The following LRBA variants were observed in gnomAD, a reference collection of about 807,000 sequenced individuals.
The protein encoded by LRBA is lipopolysaccharide-responsive and beige-like anchor protein.
LRBA carries 176 observed loss-of-function variants against 330.0 expected under a neutral mutation model. The observed-to-expected ratio is 0.53, with a 90% CI of 0.47 to 0.60. LRBA has a LOEUF of 0.60. Among genes scored for constraint, LRBA ranks in the 20% least tolerant of loss-of-function variants. LRBA has a pLI of 0.00. For synonymous variants in LRBA, 1,230 were observed against 1,193.0 expected, an observed-to-expected ratio of 1.03 and a Z score of -0.64; for missense variants, 3,259 against 3,444.8, an observed-to-expected ratio of 0.95 and a Z score of 1.35.
At chr4:150,681,276 T>C (rs1783035081) in intron 37 of LRBA, among the ~76,000 whole-genome samples, 1 of 152,310 alleles carries the variant, frequency 6.6e-6, no homozygotes, top group South Asian at 2.1e-4. Context: ...ATTACAACCA[T>C]GTCCATAATT....
chr4:150,347,438 G>T (rs745442258), intron 48 of LRBA, among the ~76,000 whole-genome samples: 3 of 152,114 alleles, frequency 2.0e-5, no homozygotes, highest in Non-Finnish European at 4.4e-5. Context: ...TTGAGTTCAG[G>T]AGTTTGAGAC....
At chr4:150,635,853 A>G (rs775443328) in intron 37 of LRBA, among the ~76,000 whole-genome samples, 21 of 152,316 alleles carry the variant, frequency 1.4e-4, no homozygotes, top group Middle Eastern at 3.4e-3. Context: ...TTGAGTTATT[A>G]TGTCTCTTTA....
At chr4:150,372,762 T>TTTTTTTTTTTTTTTTGAG (rs1554011252) in intron 47 of LRBA, among the ~76,000 whole-genome samples, 1 of 144,198 alleles carries the variant, frequency 6.9e-6, no homozygotes. Flanking sequence ...AGTAAGTTCT[T>TTTTTTTTTTTTTTTTGAG]ACTAGATATT....
intron 34 of LRBA, among the ~76,000 whole-genome samples, chr4:150,789,229 T>C (rs1252268617): frequency 6.6e-6 from 1 of 152,146 alleles, no homozygotes; most frequent in Non-Finnish European, 1.5e-5. Flanking sequence ...CTCAAACAGC[T>C]GAGGAATTCA....
chr4:150,619,020 T>C (rs1249726851), intron 37 of LRBA, among the ~76,000 whole-genome samples: 1 of 151,924 alleles, frequency 6.6e-6, no homozygotes, highest in African/African-American at 2.4e-5. Flanking sequence ...GAGAAATAAA[T>C]GCAGCCATAC....
intron 55 of LRBA, among the ~76,000 whole-genome samples, chr4:150,278,633 C>T (rs1255843718): frequency 1.3e-5 from 2 of 152,178 alleles, no homozygotes; most frequent in Non-Finnish European, 2.9e-5. Context: ...TTCCTACTAG[C>T]GCTGAACAGA....
intron 31 of LRBA, among the ~76,000 whole-genome samples, chr4:150,815,252 C>A (rs970916206): frequency 6.0e-5 from 9 of 150,890 alleles, no homozygotes; most frequent in Non-Finnish European, 3.0e-5. Flanking sequence ...AGAAAAACCA[C>A]AGTTGATTCT....
intron 46 of LRBA, among the ~76,000 whole-genome samples, chr4:150,416,047 A>C (rs1747689158): frequency 6.6e-6 from 1 of 152,158 alleles, no homozygotes; most frequent in Non-Finnish European, 1.5e-5. Context: ...AATTTATTAC[A>C]GTTTAGCCAT....
chr4:150,367,935 C>T (rs1200797044), intron 47 of LRBA, among the ~76,000 whole-genome samples: 1 of 152,120 alleles, frequency 6.6e-6, no homozygotes, highest in Non-Finnish European at 1.5e-5. Flanking sequence ...TAAACTCTAT[C>T]TCTGGATATT....
At chr4:150,590,424 A>G (rs1225483946) in intron 39 of LRBA, among the ~76,000 whole-genome samples, 1 of 151,228 alleles carries the variant, frequency 6.6e-6, no homozygotes, top group Non-Finnish European at 1.5e-5. Flanking sequence ...AGATTTGGTA[A>G]CTCCTATGGG....
chr4:150,922,417 T>TATATATATATATATATATATA (rs1561010323), intron 4 of LRBA, among the ~76,000 whole-genome samples: 3 of 147,886 alleles, frequency 2.0e-5, no homozygotes, highest in African/African-American at 7.4e-5. Context: ...TATATATATA[T>TATATATATATATATATATATA]GATGGAATAC....
At chr4:150,640,878 C>T (rs1452572012) in intron 37 of LRBA, among the ~76,000 whole-genome samples, 1 of 152,142 alleles carries the variant, frequency 6.6e-6, no homozygotes, top group African/African-American at 2.4e-5. Context: ...AATTCTCCAC[C>T]ATGGCATTTA....
At chr4:150,387,444 T>G (rs1473187079) in intron 47 of LRBA, among the ~76,000 whole-genome samples, 1 of 152,190 alleles carries the variant, frequency 6.6e-6, no homozygotes, top group East Asian at 1.9e-4. Context: ...ATGACTAGGC[T>G]TGATATATTT....
At chr4:150,657,737 A>AT (rs1045907215) in intron 37 of LRBA, among the ~76,000 whole-genome samples, 4 of 152,086 alleles carry the variant, frequency 2.6e-5, no homozygotes, top group African/African-American at 9.7e-5. Flanking sequence ...AAAAACTGAG[A>AT]TTTTTTAACT....
In LRBA at chr4:150,467,773, T is replaced by C. The variant is rs770094640; in HGVS notation, c.6680A>G (p.Asn2227Ser). Reference sequence around the variant, plus strand: ...AAACACTGGATACTGATTTAAGTCATTATAACTCCGTCCTGATAGGGAAAA... The same window carrying C: ...AAACACTGGATACTGATTTAAGTCACTATAACTCCGTCCTGATAGGGAAAA... ...FLNTIAGRSYNDLNQYPVFPW... is the reference protein window; with the variant it reads ...FLNTIAGRSYSDLNQYPVFPW... Residue 2227 changes from asparagine (N) to serine (S), a missense_variant, in exon 44 of 57, where the codon AAT becomes AGT. Physicochemically the swap from Asn to Ser is conservative, Grantham distance 46. Transcript: ENST00000651943. 1.3e-6 allele frequency: 2 copies of C among 1,548,086 alleles called. No individual in the cohort carries two copies. The highest frequency in any genetic ancestry group is 1.8e-6 in the Non-Finnish European group (2 of 1,126,146).
At chr4:150,315,931 G>GA (rs1731663389) in intron 50 of LRBA, among the ~76,000 whole-genome samples, 1 of 152,288 alleles carries the variant, frequency 6.6e-6, no homozygotes, top group African/African-American at 2.4e-5. Context: ...AAAGCGCACT[G>GA]AAAACAAAAT....
chr4:150,341,723 T>C (rs185150881), intron 48 of LRBA, among the ~76,000 whole-genome samples: 3 of 151,316 alleles, frequency 2.0e-5, no homozygotes, highest in African/African-American at 7.2e-5. Flanking sequence ...TATATATATA[T>C]TTATTTACAT....
chr4:150,279,547 C>T (rs534468228), intron 55 of LRBA, among the ~76,000 whole-genome samples: 11 of 152,242 alleles, frequency 7.2e-5, no homozygotes, highest in Middle Eastern at 3.4e-3. Context: ...TGCCTTAAGT[C>T]TTCACTGTTT....
At chr4:150,638,411 G>T (rs1463960064) in intron 37 of LRBA, among the ~76,000 whole-genome samples, 1 of 152,022 alleles carries the variant, frequency 6.6e-6, no homozygotes, top group Non-Finnish European at 1.5e-5. Context: ...ATACTTCCTG[G>T]TATTTTATTC....
Sources: allele counts gnomAD v4.1 joint callset (sites outside exome capture counted in the v4.1 genomes callset), GRCh38; gene constraint gnomAD v4.1.1; transcripts MANE v1.5; gene names NCBI Gene and HGNC (gene_info 2026-07-23, HGNC 2026-07-21).